STARD9: variants seen among roughly 807,000 people sequenced by gnomAD.
The protein encoded by STARD9 is StAR related lipid transfer domain containing 9.
STARD9 carries 346 observed loss-of-function variants against 399.8 expected under a neutral mutation model. The observed-to-expected ratio is 0.87, with a 90% CI of 0.79 to 0.95. The LOEUF (loss-of-function observed/expected upper bound fraction) is 0.95. Among genes scored for constraint, STARD9 ranks in the 40% least tolerant of loss-of-function variants. The pLI is 0.00. For missense variants in STARD9, 5,832 were observed against 5,667.5 expected (o/e 1.03, Z -0.93); for synonymous variants, 2,203 against 2,143.5 (o/e 1.03, Z -0.77).
intron 3 of STARD9, among the ~76,000 whole-genome samples, chr15:42,624,711 G>C (rs928108032): frequency 1.3e-5 from 2 of 152,028 alleles, no homozygotes; most frequent in Admixed American, 6.6e-5. Flanking sequence ...ACCACGCCCA[G>C]CTAATTTTTG....
chr15:42,689,047 T>G lies in STARD9; in HGVS notation c.7469T>G (p.Val2490Gly), dbSNP rs1267569920. 6.5e-7 allele frequency: 1 copy of G among 1,537,084 alleles called. No individual in the cohort carries two copies. Among genetic ancestry groups the G allele is most frequent in the South Asian group, 1.2e-5 (1 of 84,044 alleles). Residue 2490 changes from valine to glycine, a missense_variant, in exon 23 of 33, where the codon GTC becomes GGC. This residue lies in a region of STARD9 where 5,828 missense variants were observed against 5,651.1 expected (regional missense o/e 1.03). Coordinates refer to ENST00000290607, the MANE Select transcript of STARD9 (RefSeq NM_020759.3). ...GTCTCTAGCCAGCCTGAAAAGAGGG[T>G]CAGCTTCTCCTTGGAAGAGGATAGT... ...NKVSSQPEKR[V>G]SFSLEEDSDQ...
At chr15:42,655,491 A>T (rs980643534) in intron 9 of STARD9, among the ~76,000 whole-genome samples, 1 of 152,358 alleles carries the variant, frequency 6.6e-6, no homozygotes, top group South Asian at 2.1e-4. Context: ...TGGGGAAAGG[A>T]CACCCTATTC....
At chr15:42,592,209 A>G (rs2058410930) in intron 3 of STARD9, among the ~76,000 whole-genome samples, 1 of 152,230 alleles carries the variant, frequency 6.6e-6, no homozygotes, top group Non-Finnish European at 1.5e-5. Flanking sequence ...TTACACAGTA[A>G]GATGTGAGTT....
At chr15:42,630,848 A>G (rs1050287723) in intron 3 of STARD9, among the ~76,000 whole-genome samples, 1 of 151,644 alleles carries the variant, frequency 6.6e-6, no homozygotes, top group African/African-American at 2.4e-5. Flanking sequence ...TATCGATTTT[A>G]TCTTTTCAAA....
Position 42,682,223 on chromosome 15 carries a change from A to G in STARD9, c.2185A>G (p.Thr729Ala). ...TGTGGCACTTGATGCTTGGCTTCAG[A>G]CAGATCCTGAGATTCAGCCATCCCC... ...ASVALDAWLQTDPEIQPSPFV... is the reference protein window; with the variant it reads ...ASVALDAWLQADPEIQPSPFV... The change falls in exon 22 of 33, where the codon ACA becomes GCA. Residue 729 changes from threonine to alanine, a missense_variant. Physicochemically the swap from Thr to Ala is moderately conservative, Grantham distance 58. This residue lies in a region of STARD9 where 5,828 missense variants were observed against 5,651.1 expected (regional missense o/e 1.03). Coordinates refer to ENST00000290607, the MANE Select transcript of STARD9 (RefSeq NM_020759.3). 2.6e-6 allele frequency: 4 copies of G among 1,537,250 alleles called. No individual in the cohort carries two copies. The highest frequency in any genetic ancestry group is 3.5e-6 in the Non-Finnish European group (4 of 1,146,898).
At chr15:42,643,812 G>A (rs2059591903) in intron 7 of STARD9, among the ~76,000 whole-genome samples, 1 of 152,140 alleles carries the variant, frequency 6.6e-6, no homozygotes, top group Non-Finnish European at 1.5e-5. Flanking sequence ...GACTTTAGCT[G>A]TATTGCACCA....
chr15:42,710,397 T>C, intron 26 of STARD9, among the ~76,000 whole-genome samples: 1 of 152,072 alleles, frequency 6.6e-6, no homozygotes, highest in East Asian at 1.9e-4. Context: ...TTTATTGTTA[T>C]AATCCATTGG....
At position 42,689,025 on chromosome 15, in the gene STARD9, T is replaced by G; in HGVS notation, c.7447T>G (p.Ser2483Ala). The G allele has an allele frequency of 1.3e-6, 2 of 1,537,318 alleles. No individual in the cohort carries two copies. The highest frequency in any genetic ancestry group is 1.7e-6 in the Non-Finnish European group (2 of 1,146,936). ...EIRVSSLNKV[S>A]SQPEKRVSFS... is the part of the protein sequence containing the mutation. ...AAGAGTCAGTTCACTGAACAAGGTC[T>G]CTAGCCAGCCTGAAAAGAGGGTCAG... Residue 2483 changes from serine to alanine, a missense_variant, in exon 23 of 33, where the codon TCT becomes GCT. By Grantham distance (99) the Ser-to-Ala change is moderately conservative. Transcript: ENST00000290607.
chr15:42,686,798 GC>G lies in STARD9; in HGVS notation c.5225del (p.Pro1742HisfsTer8). 1 of 1,537,172 alleles carries G rather than the reference GC, an allele frequency of 6.5e-7. No homozygotes were observed. Among genetic ancestry groups the G allele is most frequent in the Non-Finnish European group, 8.7e-7 (1 of 1,146,906 alleles). Reference protein sequence around the residue: ...PWNPLSSSLQPPLLETFYVTK... With the variant: ...PWNPLSSSLQXPLLETFYVTK... ...GGAATCCATTGTCATCTTCCCTGCA[GC>G]CCCCACTCTTGGAAACATTCTATGT... On this transcript the variant is annotated frameshift_variant, in exon 23 of 33. Coordinates refer to ENST00000290607, the MANE Select transcript of STARD9 (RefSeq NM_020759.3). LOFTEE classifies it high-confidence loss of function.
At chr15:42,719,338 G>A in intron 32 of STARD9, 135 bp from the exon 33 acceptor site, 1 of 627,842 alleles carries the variant, frequency 1.6e-6, no homozygotes, top group Non-Finnish European at 2.8e-6. Flanking sequence ...AGAGCCCAGG[G>A]GCCTGTAAAC....
At chr15:42,607,864 C>T (rs558305450) in intron 3 of STARD9, among the ~76,000 whole-genome samples, 5 of 151,942 alleles carry the variant, frequency 3.3e-5, no homozygotes, top group Non-Finnish European at 5.9e-5. Context: ...TTGTCAGCTC[C>T]GTTAGGATTT....
intron 26 of STARD9, among the ~76,000 whole-genome samples, chr15:42,706,265 T>C (rs2061078855): frequency 6.6e-6 from 1 of 152,172 alleles, no homozygotes; most frequent in East Asian, 1.9e-4. Flanking sequence ...TTGTCAGATT[T>C]ATTTCTAAGT....
At position 42,683,838 on chromosome 15, in the gene STARD9, A is replaced by G. The variant is rs555680464; in HGVS notation, c.2538-278A>G. ...ATAATACCATTTAAATTGTTCCTCTATTCCTCATATTGCCTATTAATAGGA... is the reference window on the plus strand; with the variant it reads ...ATAATACCATTTAAATTGTTCCTCTGTTCCTCATATTGCCTATTAATAGGA... On this transcript the variant is annotated intron_variant, in intron 22 of 32. Coordinates refer to ENST00000290607, the MANE Select transcript of STARD9 (RefSeq NM_020759.3). Among the ~76,000 whole-genome samples the G allele has an allele frequency of 6.6e-5, 10 of 151,806 alleles. No homozygotes were observed. The South Asian group carries it at 2.1e-3, about 32-fold the overall frequency.
Position 42,687,645 on chromosome 15 carries a change from C to T in STARD9, c.6067C>T (p.Gln2023Ter), listed in dbSNP as rs1243829415. 1.3e-6 allele frequency: 2 copies of T among 1,536,916 alleles called. No homozygotes were observed. Among genetic ancestry groups the T allele is most frequent in the African/African-American group, 1.4e-5 (1 of 73,020 alleles). Residue 2023 changes from glutamine (Q) to a stop codon, truncating the protein, a stop_gained, in exon 23 of 33, where the codon CAA (glutamine) becomes TAA (stop). Coordinates refer to ENST00000290607, the MANE Select transcript of STARD9 (RefSeq NM_020759.3). LOFTEE classifies it high-confidence loss of function. ...AAGAAACCCCAGTGAATGCAAGTCACAAGAAATGTTAAATCCCAACAGAGA... is the reference window on the plus strand; with the variant it reads ...AAGAAACCCCAGTGAATGCAAGTCATAAGAAATGTTAAATCCCAACAGAGA... Reference protein sequence around the residue: ...QERNPSECKSQEMLNPNREPS... With the variant: ...QERNPSECKS
chr15:42,575,829 T>C, intron 1 of STARD9, 67 bp downstream of exon 1: 3 of 1,468,430 alleles, frequency 2.0e-6, no homozygotes, highest in East Asian at 2.5e-5. Context: ...GGTCCGCGTC[T>C]CCCCCTGCAG....
chr15:42,715,266 G>A (rs897928665), intron 26 of STARD9, among the ~76,000 whole-genome samples: 1 of 152,168 alleles, frequency 6.6e-6, no homozygotes, highest in African/African-American at 2.4e-5. Context: ...GAGGAGTGAC[G>A]AGGGCAAATG....
intron 26 of STARD9, among the ~76,000 whole-genome samples, chr15:42,699,895 C>T (rs1004999260): frequency 2.6e-5 from 4 of 151,870 alleles, no homozygotes; most frequent in Non-Finnish European, 4.4e-5. Context: ...TTAGGAGAGA[C>T]GGGTTTTCAC....
At position 42,716,414 on chromosome 15, in the gene STARD9, A is replaced by G. The variant is rs535581865; in HGVS notation, c.13285-263A>G. 7.2e-5 allele frequency among the ~76,000 whole-genome samples: 11 copies of G among 152,228 alleles called. No homozygotes were observed. In the East Asian group the frequency reaches 1.7e-3, roughly 24 times the overall value. On this transcript the variant is annotated intron_variant, in intron 26 of 32. Coordinates refer to ENST00000290607, the MANE Select transcript of STARD9 (RefSeq NM_020759.3). ...AGCTGGCAGAGCACCCCATACTCTC[A>G]GGCCCTGGTTGTTTTGATCCCTGTT...
rs199940227 is a variant in STARD9 at position 42,692,529 on chromosome 15, T to G, written c.10951T>G (p.Trp3651Gly). 1.1e-4 allele frequency: 174 copies of G among 1,537,064 alleles called. 1 individual carries two copies. Among genetic ancestry groups the G allele is most frequent in the Admixed American group, 2.0e-5 (1 of 50,984 alleles). The change falls in exon 23 of 33, where the codon TGG becomes GGG. Residue 3651 changes from tryptophan to glycine, a missense_variant. This residue lies in a region of STARD9 where 5,828 missense variants were observed against 5,651.1 expected (regional missense o/e 1.03). Coordinates refer to ENST00000290607, the MANE Select transcript of STARD9 (RefSeq NM_020759.3). The stretch of plus-strand genomic sequence containing the variant: ...ACAGACCCTCGGCAGCAGGCGCCAC[T>G]GGAGCAGCACTGACATCTCCTTTGC... ...GTQTLGSRRH[W>G]SSTDISFAQP...
Sources: gnomAD v4.1 joint callset for allele counts (sites outside exome capture counted in the v4.1 genomes callset) on GRCh38, gnomAD v4.1.1 for gene constraint, gnomAD v4.1.1 regional missense constraint, MANE v1.5 for transcripts, NCBI Gene and HGNC (gene_info 2026-07-23, HGNC 2026-07-21) for gene names.